The following IGFL2 variants were observed in gnomAD, a reference collection of about 807,000 sequenced individuals.
The protein encoded by IGFL2 is IGF like family member 2, also known as insulin growth factor-like family member 2.
A neutral mutation model predicts 13.9 loss-of-function variants in IGFL2; 7 were observed. The observed-to-expected ratio is 0.51, with a 90% CI of 0.29 to 0.95. IGFL2 has a LOEUF of 0.95. Ranked by LOEUF, IGFL2 falls within the 40% of genes least tolerant of loss-of-function variation. IGFL2 has a pLI of 0.08. For synonymous variants in IGFL2, 55 were observed against 55.8 expected (o/e 0.99, Z 0.07); for missense variants, 138 against 147.8 (o/e 0.93, Z 0.34).
chr19:46,132,657 C>A, the IGFL2 span, among the ~76,000 whole-genome samples: 1 of 129,794 alleles, frequency 7.7e-6, no homozygotes, highest in Admixed American at 9.2e-5. Flanking sequence ...GGAGGGAAAA[C>A]GATAGAGGGA....
the IGFL2 span, among the ~76,000 whole-genome samples, chr19:46,079,062 T>C: frequency 2.2e-5 from 2 of 92,876 alleles, no homozygotes; most frequent in Non-Finnish European, 4.3e-5. Flanking sequence ...GCGTCGTCAG[T>C]AGACATCGCG....
At chr19:46,123,110 C>T in the IGFL2 span, among the ~76,000 whole-genome samples, 1 of 150,784 alleles carries the variant, frequency 6.6e-6, no homozygotes, top group African/African-American at 2.5e-5. Flanking sequence ...ATTATTCCAA[C>T]AGCTACAGGA....
intron 1 of IGFL2, among the ~76,000 whole-genome samples, chr19:46,152,992 A>C (rs995308241): frequency 6.6e-6 from 1 of 152,160 alleles, no homozygotes; most frequent in Admixed American, 6.5e-5. Flanking sequence ...TCATATGTTG[A>C]ACCAACTTTG....
At chr19:46,175,373 A>C in the IGFL2 span, among the ~76,000 whole-genome samples, 4,447 of 152,276 alleles carry the variant, frequency 0.029, 200 homozygotes, top group African/African-American at 0.097. Flanking sequence ...CAAAGTATCT[A>C]ACTGTAGAGC....
upstream of IGFL2, among the ~76,000 whole-genome samples, chr19:46,139,209 C>G (rs922816839): frequency 6.6e-6 from 1 of 151,576 alleles, no homozygotes; most frequent in African/African-American, 2.4e-5. Flanking sequence ...CTCCCTCACT[C>G]CACTCTCAAT....
chr19:46,165,895 G>A (rs1450020436), downstream of IGFL2, among the ~76,000 whole-genome samples: 8 of 152,248 alleles, frequency 5.3e-5, no homozygotes, highest in African/African-American at 1.7e-4. Context: ...GGCTACTACA[G>A]TGGGAAACAC....
At chr19:46,114,494 G>A in the IGFL2 span, among the ~76,000 whole-genome samples, 3 of 152,144 alleles carry the variant, frequency 2.0e-5, no homozygotes, top group Non-Finnish European at 4.4e-5. Flanking sequence ...TTAAAGTCAT[G>A]GGTGCTGATA....
At chr19:46,204,042 A>G in the IGFL2 span, 1 of 152,156 alleles carries the variant, frequency 6.6e-6, no homozygotes, top group African/African-American at 2.4e-5. Context: ...AACATCTGAA[A>G]TTTCACCAGA....
At chr19:46,116,197 A>G in the IGFL2 span, among the ~76,000 whole-genome samples, 2 of 152,170 alleles carry the variant, frequency 1.3e-5, no homozygotes, top group Admixed American at 1.3e-4. Context: ...CGTAATTTAC[A>G]TTAGGTATAT....
chr19:46,212,111 A>G, the IGFL2 span: 18 of 152,144 alleles, frequency 1.2e-4, no homozygotes, highest in Admixed American at 1.0e-3. Flanking sequence ...TTTCCATGTT[A>G]TCAGCACGTC....
At chr19:46,099,911 C>T in the IGFL2 span, among the ~76,000 whole-genome samples, 1 of 151,968 alleles carries the variant, frequency 6.6e-6, no homozygotes, top group Non-Finnish European at 1.5e-5. Flanking sequence ...TGATATTTAT[C>T]CTTCTGCTTG....
At chr19:46,188,416 C>T in the IGFL2 span, among the ~76,000 whole-genome samples, 2 of 147,882 alleles carry the variant, frequency 1.4e-5, no homozygotes, top group South Asian at 2.1e-4. Context: ...CTGTGACCGC[C>T]CCCCCCACTC....
At chr19:46,103,582 G>A in the IGFL2 span, among the ~76,000 whole-genome samples, 1 of 152,118 alleles carries the variant, frequency 6.6e-6, no homozygotes, top group Admixed American at 6.5e-5. Flanking sequence ...CGCTGTGATG[G>A]TTTGGAGGAA....
the IGFL2 span, among the ~76,000 whole-genome samples, chr19:46,082,521 A>G: frequency 0.013 from 2,045 of 152,316 alleles, 30 homozygotes; most frequent in Middle Eastern, 0.027. Flanking sequence ...CGGAGCTGAT[A>G]CAGACAGGCA....
chr19:46,098,726 G>A, the IGFL2 span, among the ~76,000 whole-genome samples: 17 of 152,186 alleles, frequency 1.1e-4, no homozygotes, highest in Admixed American at 2.6e-4. Context: ...TGATCCACCC[G>A]CCTCGGCCTC....
At chr19:46,169,229 T>A in the IGFL2 span, among the ~76,000 whole-genome samples, 5 of 152,086 alleles carry the variant, frequency 3.3e-5, no homozygotes, top group African/African-American at 1.2e-4. Context: ...AAATTAAAAA[T>A]GTTTTCAGAA....
At chr19:46,118,638 T>G in the IGFL2 span, among the ~76,000 whole-genome samples, 1 of 152,312 alleles carries the variant, frequency 6.6e-6, no homozygotes, top group Non-Finnish European at 1.5e-5. Flanking sequence ...ATGGGCACCA[T>G]TTTGAGAGCC....
the IGFL2 span, among the ~76,000 whole-genome samples, chr19:46,079,675 G>A: frequency 3.9e-5 from 6 of 152,164 alleles, no homozygotes; most frequent in African/African-American, 1.2e-4. Context: ...ACTTCTGCCA[G>A]CTCGATTGCA....
chr19:46,143,404 T>TC (rs1972948954), upstream of IGFL2, among the ~76,000 whole-genome samples: 5 of 146,038 alleles, frequency 3.4e-5, no homozygotes, highest in Admixed American at 1.4e-4. Context: ...TTCTTCTTCT[T>TC]TTTTTTTTTT....
Sources: gnomAD v4.1 joint callset for allele counts (sites outside exome capture counted in the v4.1 genomes callset) on GRCh38, gnomAD v4.1.1 for gene constraint, MANE v1.5 for transcripts, NCBI Gene and HGNC (gene_info 2026-07-23, HGNC 2026-07-21) for gene names.